The following EPSTI1 variants were observed in gnomAD, a reference collection of about 807,000 sequenced individuals.
The protein encoded by EPSTI1 is epithelial stromal interaction 1, also known as epithelial-stromal interaction protein 1.
A neutral mutation model predicts 49.9 loss-of-function variants in EPSTI1; 66 were observed. That is an observed-to-expected ratio of 1.32 (90% CI 1.08 to 1.62). The LOEUF is 1.62. Ranked by LOEUF, EPSTI1 falls within the 40% of genes most tolerant of loss-of-function variation. EPSTI1 has a pLI of 0.00. For missense variants in EPSTI1, 394 were observed against 365.5 expected (o/e 1.08, Z -0.64); for synonymous variants, 137 against 130.7 (o/e 1.05, Z -0.33).
intron 5 of EPSTI1, among the ~76,000 whole-genome samples, chr13:42,958,001 G>C (rs2039326314): frequency 6.6e-6 from 1 of 152,198 alleles, no homozygotes; most frequent in African/African-American, 2.4e-5. Context: ...CAAAGCCCTG[G>C]GCTCAAGCAA....
chr13:42,907,300 C>T (rs1260106834), intron 8 of EPSTI1, among the ~76,000 whole-genome samples: 1 of 152,136 alleles, frequency 6.6e-6, no homozygotes, highest in African/African-American at 2.4e-5. Flanking sequence ...TATATGTGAG[C>T]ATATTTCTAT....
intron 8 of EPSTI1, among the ~76,000 whole-genome samples, chr13:42,914,070 T>C (rs2037761417): frequency 6.6e-6 from 1 of 152,212 alleles, no homozygotes; most frequent in Non-Finnish European, 1.5e-5. Flanking sequence ...CCTGTAGAAC[T>C]GTGAGCCAAT....
chr13:42,901,684 C>A (rs1356401260), intron 8 of EPSTI1, among the ~76,000 whole-genome samples: 2 of 152,172 alleles, frequency 1.3e-5, no homozygotes, highest in Non-Finnish European at 2.9e-5. Flanking sequence ...TCCCTCGTCT[C>A]CACAATCATT....
chr13:42,917,843 C>A (rs61950258), intron 7 of EPSTI1, among the ~76,000 whole-genome samples: 5,135 of 152,246 alleles, frequency 0.034, 129 homozygotes, highest in Non-Finnish European at 0.044. Context: ...AGTGTAAGCA[C>A]AATCATCCTG....
At chr13:42,982,445 T>C (rs939789359) in intron 1 of EPSTI1, among the ~76,000 whole-genome samples, 1 of 152,228 alleles carries the variant, frequency 6.6e-6, no homozygotes, top group Non-Finnish European at 1.5e-5. Flanking sequence ...TCTTTATTCC[T>C]TTACTTTCTT....
At chr13:42,958,088 A>C (rs2039328854) in intron 5 of EPSTI1, among the ~76,000 whole-genome samples, 1 of 152,182 alleles carries the variant, frequency 6.6e-6, no homozygotes, top group Admixed American at 6.5e-5. Flanking sequence ...TTCAGTTAAG[A>C]ACACCGTTGG....
At chr13:42,946,893 G>A (rs2153426974) in intron 6 of EPSTI1, among the ~76,000 whole-genome samples, 1 of 152,336 alleles carries the variant, frequency 6.6e-6, no homozygotes, top group East Asian at 1.9e-4. Context: ...ACTAATGCCT[G>A]ATGATCTGAG....
At chr13:42,926,260 C>T in intron 7 of EPSTI1, 76 bp downstream of exon 7, 1 of 873,402 alleles carries the variant, frequency 1.1e-6, no homozygotes, top group Non-Finnish European at 2.0e-6. Flanking sequence ...ACAAGTCACT[C>T]TATATCCCTC....
At chr13:42,918,596 A>G (rs1197143864) in intron 7 of EPSTI1, among the ~76,000 whole-genome samples, 1 of 152,216 alleles carries the variant, frequency 6.6e-6, no homozygotes, top group South Asian at 2.1e-4. Context: ...CTGTCACTAT[A>G]AAAACCCATA....
At chr13:42,935,882 A>G (rs112940714) in intron 6 of EPSTI1, among the ~76,000 whole-genome samples, 8,967 of 152,166 alleles carry the variant, frequency 0.059, 811 homozygotes, top group African/African-American at 0.19. Context: ...GTGAGCCACC[A>G]TGCCCGGCCC....
At chr13:42,899,759 CATG>C (rs1192346145) in intron 9 of EPSTI1, among the ~76,000 whole-genome samples, 5 of 152,140 alleles carry the variant, frequency 3.3e-5, no homozygotes, top group Non-Finnish European at 7.4e-5. Context: ...CCAACAGTAA[CATG>C]ATATTTTACT....
At chr13:42,973,840 A>C (rs1025549775) in intron 1 of EPSTI1, among the ~76,000 whole-genome samples, 2 of 152,220 alleles carry the variant, frequency 1.3e-5, no homozygotes, top group African/African-American at 2.4e-5. Flanking sequence ...GCAACATTCA[A>C]GCCACTGAAA....
chr13:42,942,392 C>A lies in EPSTI1; in HGVS notation c.563+11556G>T, dbSNP rs562675142. ...TCTTTTCTGCCTTTTATTGTAAAGG[C>A]AGAAATTGACGATCAAATTTTTATT... On this transcript the variant is annotated intron_variant, in intron 6 of 10. Transcript: ENST00000313624. Among the ~76,000 whole-genome samples the A allele has an allele frequency of 9.3e-4, 141 of 152,054 alleles. 1 individual carries two copies. Among genetic ancestry groups the A allele is most frequent in the African/African-American group, 3.1e-3 (128 of 41,514 alleles).
chr13:42,940,068 C>A (rs747191933), intron 6 of EPSTI1, among the ~76,000 whole-genome samples: 36 of 152,196 alleles, frequency 2.4e-4, no homozygotes, highest in Non-Finnish European at 4.0e-4. Context: ...TACAGGTTAT[C>A]CCTGTGGCTT....
intron 10 of EPSTI1, among the ~76,000 whole-genome samples, chr13:42,892,740 ATGAG>A (rs1029003050): frequency 1.3e-5 from 2 of 152,192 alleles, no homozygotes; most frequent in African/African-American, 2.4e-5. Flanking sequence ...ATAAGAATGA[ATGAG>A]TATCTAATTT....
intron 5 of EPSTI1, among the ~76,000 whole-genome samples, chr13:42,958,769 T>A (rs1223233843): frequency 7.0e-6 from 1 of 143,866 alleles, no homozygotes; most frequent in Non-Finnish European, 1.5e-5. Context: ...GTAATTGGGT[T>A]TGGTTCCCAG....
At chr13:42,921,651 T>G (rs538489776) in intron 7 of EPSTI1, among the ~76,000 whole-genome samples, 354 of 152,288 alleles carry the variant, frequency 2.3e-3, no homozygotes, top group African/African-American at 8.2e-3. Flanking sequence ...CGGGGAGCTT[T>G]TTTAAACCCT....
intron 10 of EPSTI1, among the ~76,000 whole-genome samples, chr13:42,894,099 A>G (rs1220219538): frequency 6.6e-6 from 1 of 152,250 alleles, no homozygotes; most frequent in Non-Finnish European, 1.5e-5. Context: ...AAATCCACTC[A>G]TCAATGTAAA....
At chr13:42,923,546 G>A (rs1436620668) in intron 7 of EPSTI1, among the ~76,000 whole-genome samples, 1 of 152,152 alleles carries the variant, frequency 6.6e-6, no homozygotes, top group East Asian at 1.9e-4. Flanking sequence ...GGGTGACAGA[G>A]TGAGACCCTG....
Sources: gnomAD v4.1 joint callset for allele counts (sites outside exome capture counted in the v4.1 genomes callset) on GRCh38, gnomAD v4.1.1 for gene constraint, MANE v1.5 for transcripts, NCBI Gene and HGNC (gene_info 2026-07-23, HGNC 2026-07-21) for gene names.